SLF1: variants seen among roughly 807,000 people sequenced by gnomAD.
SLF1 encodes SMC5-SMC6 complex localization factor protein 1.
SLF1 carries 105 observed loss-of-function variants against 123.0 expected under a neutral mutation model. That is an observed-to-expected ratio of 0.85 (90% CI 0.73 to 1.00). The LOEUF is 1.00. Ranked by LOEUF, SLF1 falls within the 50% of genes least tolerant of loss-of-function variation. The pLI, the probability that SLF1 is intolerant of heterozygous loss-of-function variation, is 0.00. For synonymous variants in SLF1, 434 were observed against 406.6 expected (o/e 1.07, Z -0.81); for missense variants, 1,239 against 1,223.0 (o/e 1.01, Z -0.20).
chr5:94,676,513 C>T (rs148729774), intron 14 of SLF1, among the ~76,000 whole-genome samples: 1 of 152,296 alleles, frequency 6.6e-6, no homozygotes, highest in Non-Finnish European at 1.5e-5. Flanking sequence ...TTGACAGCCA[C>T]CTGTGAAGAC....
chr5:94,685,671 T>C (rs1224332196), intron 15 of SLF1, among the ~76,000 whole-genome samples: 1 of 152,106 alleles, frequency 6.6e-6, no homozygotes, highest in Non-Finnish European at 1.5e-5. Context: ...TCTTGTTTTT[T>C]GTTTCATCAT....
At chr5:94,668,543 T>A (rs964259900) in intron 12 of SLF1, among the ~76,000 whole-genome samples, 9 of 151,794 alleles carry the variant, frequency 5.9e-5, no homozygotes, top group African/African-American at 2.2e-4. Flanking sequence ...ACCATGTTGG[T>A]CAGGCTGGTC....
chr5:94,660,876 G>T (rs1749020466), intron 9 of SLF1, among the ~76,000 whole-genome samples: 1 of 152,114 alleles, frequency 6.6e-6, no homozygotes, highest in Non-Finnish European at 1.5e-5. Flanking sequence ...TTGTCCCCAG[G>T]GTGGCCTCCC....
At chr5:94,632,169 G>A (rs1745279911) in intron 4 of SLF1, among the ~76,000 whole-genome samples, 1 of 151,988 alleles carries the variant, frequency 6.6e-6, no homozygotes, top group Admixed American at 6.6e-5. Context: ...TTGCTCTGAA[G>A]TTATTTTGGC....
chr5:94,688,772 T>C, intron 17 of SLF1, 103 bp downstream of exon 17: 3 of 1,291,450 alleles, frequency 2.3e-6, no homozygotes, highest in African/African-American at 1.5e-5. Flanking sequence ...GTCTGAATTA[T>C]ACTGATTAGA....
intron 4 of SLF1, among the ~76,000 whole-genome samples, chr5:94,632,971 G>A (rs989691915): frequency 5.3e-5 from 8 of 151,762 alleles, no homozygotes; most frequent in Non-Finnish European, 1.0e-4. Context: ...TTACAGGCTT[G>A]AGCCACCGCG....
chr5:94,619,808 A>G (rs1248259080), intron 1 of SLF1, among the ~76,000 whole-genome samples: 1 of 152,182 alleles, frequency 6.6e-6, no homozygotes. Context: ...TTCAATACCT[A>G]AGTTGCTAGT....
rs895982745 is a variant in SLF1, at chr5:94,630,510, G to A, written c.198G>A (p.Trp66Ter). ...AGCTCATTTGCTTTCTAGGAAAGTG[G>A]ATACTAACCAAGGACTATATAATTC... is the stretch of plus-strand genomic sequence containing the variant. ...KFLAACAAGK[W>*]ILTKDYIIHS... is the part of the protein sequence containing the mutation. The change falls in exon 4 of 21, where the codon TGG becomes TGA. Residue 66 changes from tryptophan (W) to a stop codon, truncating the protein, a stop_gained. Transcript: ENST00000265140. LOFTEE classifies it high-confidence loss of function. The A allele has an allele frequency of 6.5e-7, 1 of 1,545,480 alleles. No homozygotes were observed. Among genetic ancestry groups the A allele is most frequent in the African/African-American group, 1.4e-5 (1 of 72,902 alleles).
intron 20 of SLF1, among the ~76,000 whole-genome samples, chr5:94,693,926 A>G (rs974994277): frequency 3.3e-5 from 5 of 151,062 alleles, no homozygotes; most frequent in South Asian, 2.1e-4. Context: ...CTATGCTACT[A>G]TGTATGTCTG....
chr5:94,640,361 T>A (rs1424215226), intron 4 of SLF1, among the ~76,000 whole-genome samples: 2 of 152,158 alleles, frequency 1.3e-5, no homozygotes, highest in Non-Finnish European at 2.9e-5. Context: ...GCTGTCATTC[T>A]TTTTTTCCGT....
intron 15 of SLF1, 81 bp from the exon 16 acceptor site, chr5:94,686,492 A>G: frequency 6.9e-7 from 1 of 1,458,606 alleles, no homozygotes; most frequent in Non-Finnish European, 9.4e-7. Context: ...TGACAGAATA[A>G]ACTTCACTAA....
chr5:94,676,987 C>T (rs1228283467), intron 14 of SLF1, among the ~76,000 whole-genome samples: 1 of 152,156 alleles, frequency 6.6e-6, no homozygotes, highest in Non-Finnish European at 1.5e-5. Flanking sequence ...GGATTTCTTT[C>T]TCACTAATCC....
intron 4 of SLF1, among the ~76,000 whole-genome samples, chr5:94,639,186 C>T (rs1422009430): frequency 6.6e-6 from 1 of 151,776 alleles, no homozygotes; most frequent in Non-Finnish European, 1.5e-5. Context: ...ATAACAGGTG[C>T]ACATCACCAT....
At chr5:94,647,715 C>G (rs1747221629) in intron 5 of SLF1, among the ~76,000 whole-genome samples, 1 of 152,126 alleles carries the variant, frequency 6.6e-6, no homozygotes, top group African/African-American at 2.4e-5. Flanking sequence ...AATAATTTCT[C>G]TATATTTCAT....
chr5:94,667,543 G>T (rs1456723192), intron 12 of SLF1, among the ~76,000 whole-genome samples: 1 of 152,070 alleles, frequency 6.6e-6, no homozygotes, highest in Non-Finnish European at 1.5e-5. Context: ...CCATATTAAA[G>T]TCCTTCATTG....
Position 94,687,981 on chromosome 5 carries a change from TTAA to T in SLF1, c.2122-521_2122-519del, listed in dbSNP as rs750844207. Among the ~76,000 whole-genome samples, 24 of 150,258 alleles carry T rather than the reference TTAA, an allele frequency of 1.6e-4. No homozygotes were observed. In the East Asian group the frequency reaches 3.1e-3, roughly 19 times the overall value. ...ATTTAATAATAATTATTTATTATTATTAATAAGGCAATATTAATTTAGATATGT... is the reference window on the plus strand; with the variant it reads ...ATTTAATAATAATTATTTATTATTATTAAGGCAATATTAATTTAGATATGT... On this transcript the variant is annotated intron_variant, in intron 16 of 20. Transcript: ENST00000265140.
At chr5:94,684,672 T>G (rs1330334979) in intron 15 of SLF1, among the ~76,000 whole-genome samples, 5 of 119,918 alleles carry the variant, frequency 4.2e-5, no homozygotes, top group Admixed American at 3.5e-4. Flanking sequence ...CACTCCAGCC[T>G]GGGCAATAGA....
At chr5:94,625,116 C>G (rs1792112116) in intron 1 of SLF1, among the ~76,000 whole-genome samples, 1 of 151,174 alleles carries the variant, frequency 6.6e-6, no homozygotes, top group Admixed American at 6.6e-5. Flanking sequence ...TGGCGTGAAC[C>G]CGGGAGGCGG....
At chr5:94,685,750 G>A (rs1322736180) in intron 15 of SLF1, among the ~76,000 whole-genome samples, 4 of 151,438 alleles carry the variant, frequency 2.6e-5, no homozygotes, top group Non-Finnish European at 5.9e-5. Context: ...CAGGAGAATC[G>A]CTTGAACCTG....
Sources: allele counts gnomAD v4.1 joint callset (sites outside exome capture counted in the v4.1 genomes callset), GRCh38; gene constraint gnomAD v4.1.1; transcripts MANE v1.5; gene names NCBI Gene and HGNC (gene_info 2026-07-23, HGNC 2026-07-21).